LRP4: variants seen among roughly 807,000 people sequenced by gnomAD.
The protein encoded by LRP4 is LDL receptor related protein 4.
Under a neutral mutation model 220.3 loss-of-function variants are expected in LRP4, and 95 were observed. That is an observed-to-expected ratio of 0.43 (90% CI 0.37 to 0.51). The LOEUF (loss-of-function observed/expected upper bound fraction) is 0.51. LRP4 is among the 20% of genes least tolerant of loss of function. The pLI is 0.00. For missense variants in LRP4, 1,925 were observed against 2,567.0 expected (o/e 0.75, Z 5.40); for synonymous variants, 903 against 954.6 (o/e 0.95, Z 1.00).
chr11:46,901,089 C>T (rs1390879640), intron 2 of LRP4, among the ~76,000 whole-genome samples: 1 of 152,314 alleles, frequency 6.6e-6, no homozygotes, highest in South Asian at 2.1e-4. Flanking sequence ...AGCCACCACA[C>T]CCAGCCCCCT....
intron 16 of LRP4, among the ~76,000 whole-genome samples, chr11:46,887,858 C>T (rs1941331906): frequency 6.6e-6 from 1 of 150,740 alleles, no homozygotes. Context: ...ACAAAAAACT[C>T]CACAAAATTC....
At chr11:46,859,475 C>T (rs2134751747) in intron 37 of LRP4, among the ~76,000 whole-genome samples, 160 bp from the exon 38 acceptor site, 1 of 152,238 alleles carries the variant, frequency 6.6e-6, no homozygotes, top group East Asian at 1.9e-4. Flanking sequence ...TGTATGAGGC[C>T]TAGCCTAAAA....
intron 1 of LRP4, among the ~76,000 whole-genome samples, chr11:46,914,943 C>T (rs1477506005): frequency 6.6e-6 from 1 of 152,054 alleles, no homozygotes. Context: ...GAGCAAAGAG[C>T]TATAAAACAC....
intron 1 of LRP4, among the ~76,000 whole-genome samples, chr11:46,910,729 A>G (rs1045494716): frequency 1.5e-5 from 2 of 137,904 alleles, no homozygotes; most frequent in African/African-American, 5.6e-5. Flanking sequence ...ACTGCAGTGC[A>G]CTGGCACAAT....
chr11:46,904,967 C>A (rs1941735198), intron 1 of LRP4, among the ~76,000 whole-genome samples: 1 of 92,940 alleles, frequency 1.1e-5, no homozygotes, highest in African/African-American at 4.7e-5. Flanking sequence ...CAGGATGAGA[C>A]CTTGTCTCAA....
chr11:46,891,367 G>A (rs1941418889), intron 13 of LRP4, among the ~76,000 whole-genome samples: 1 of 151,538 alleles, frequency 6.6e-6, no homozygotes, highest in Non-Finnish European at 1.5e-5. Context: ...ACCTGCCTCG[G>A]CCTCCCAAAG....
At chr11:46,901,599 C>T (rs1032195754) in intron 2 of LRP4, among the ~76,000 whole-genome samples, 1 of 152,180 alleles carries the variant, frequency 6.6e-6, no homozygotes, top group Non-Finnish European at 1.5e-5. Flanking sequence ...ATAGATGCTA[C>T]AGGTAGGTCA....
intron 20 of LRP4, among the ~76,000 whole-genome samples, chr11:46,880,002 G>C (rs1431960601): frequency 6.6e-6 from 1 of 152,140 alleles, no homozygotes; most frequent in African/African-American, 2.4e-5. Flanking sequence ...CTACTTGGGA[G>C]GCTGAGGCAG....
chr11:46,884,014 T>C (rs1224126614), intron 18 of LRP4, 38 bp from the exon 19 acceptor site: 1 of 1,523,236 alleles, frequency 6.6e-7, no homozygotes, highest in African/African-American at 1.4e-5. Flanking sequence ...TCTAGTCTTG[T>C]TCATTCACCC....
At chr11:46,903,486 C>G (rs1265051549) in intron 1 of LRP4, among the ~76,000 whole-genome samples, 1 of 151,776 alleles carries the variant, frequency 6.6e-6, no homozygotes, top group African/African-American at 2.4e-5. Flanking sequence ...AGAGCAAGAC[C>G]TTGTCTCAAA....
At chr11:46,876,429 C>T (rs780578232) in intron 25 of LRP4, 37 bp downstream of exon 25, 4 of 1,612,270 alleles carry the variant, frequency 2.5e-6, no homozygotes, top group South Asian at 1.1e-5. Flanking sequence ...CTGAGCTGGC[C>T]CCCCACACTA....
intron 24 of LRP4, 29 bp from the exon 25 acceptor site, chr11:46,876,666 T>A: frequency 6.2e-7 from 1 of 1,614,126 alleles, no homozygotes; most frequent in South Asian, 1.1e-5. Context: ...GCACACTGGC[T>A]CCTATTTTAA....
rs138589242 is a variant in LRP4, at chr11:46,895,281, T to C, written c.1194A>G (p.Glu398=). ...EDGHTCQDVN[E]CAEEGYCSQG... ...GGCTGCAATACCCCTCCTCGGCACATTCATTCACATCTGGGAACACCAGGC... is the reference window on the plus strand; with the variant it reads ...GGCTGCAATACCCCTCCTCGGCACACTCATTCACATCTGGGAACACCAGGC... The change falls in exon 11 of 38, where the codon GAA becomes GAG. Residue 398 remains glutamate, a synonymous_variant. Coordinates refer to ENST00000378623, the MANE Select transcript of LRP4 (RefSeq NM_002334.4). 1.1e-4 allele frequency: 184 copies of C among 1,613,292 alleles called. No individual in the cohort carries two copies. The African/African-American group carries it at 2.0e-3, about 18-fold the overall frequency.
At position 46,918,340 on chromosome 11, in the gene LRP4, G is replaced by A. The variant is rs1448310579; in HGVS notation, c.40C>T (p.Leu14Phe). ...QWGALLLGAL[L>F]CAHGLASSPE... ...GGGCGCCGCTTACCGTGTGCGCAGA[G>A]CAGGGCGCCAAGCAGCAGCGCGCCC... The change falls in exon 1 of 38, where the codon CTC (leucine) becomes TTC (phenylalanine). Residue 14 changes from leucine to phenylalanine, a missense_variant. Physicochemically the swap from Leu to Phe is conservative, Grantham distance 22. This residue lies in a region of LRP4 where 412 missense variants were observed against 505.4 expected (regional missense o/e 0.82). Coordinates refer to ENST00000378623, the MANE Select transcript of LRP4 (RefSeq NM_002334.4). This position sits in a 1 kb window ranked among gnomAD's most constrained non-coding sequence, Gnocchi z 6.0. 6.7e-7 allele frequency: 1 copy of A among 1,495,370 alleles called. No individual in the cohort carries two copies. Among genetic ancestry groups the A allele is most frequent in the Non-Finnish European group, 8.9e-7 (1 of 1,128,256 alleles). 92.6% of individuals were successfully genotyped at this position (1,495,370 alleles called of 1,614,324 possible).
intron 1 of LRP4, among the ~76,000 whole-genome samples, chr11:46,905,622 G>A (rs1007739469): frequency 6.6e-6 from 1 of 152,086 alleles, no homozygotes; most frequent in Non-Finnish European, 1.5e-5. Flanking sequence ...AGGCCCAGGT[G>A]GGCGGATCAC....
Position 46,858,517 on chromosome 11 carries a change from CT to C in LRP4, c.*465del. ...CTTCCTTCTTCTCTCAGCCTCTATC[CT>C]TCATCCCTGTCTTTACCCACACCCC... On this transcript the variant is annotated 3_prime_UTR_variant, in exon 38 of 38. Coordinates refer to ENST00000378623, the MANE Select transcript of LRP4 (RefSeq NM_002334.4). 1 of 242,160 alleles carries C rather than the reference CT, an allele frequency of 4.1e-6. No homozygotes were observed. Among genetic ancestry groups the C allele is most frequent in the Non-Finnish European group, 8.3e-6 (1 of 120,712 alleles). 15.0% of individuals were successfully genotyped at this position (242,160 alleles called of 1,614,324 possible).
chr11:46,897,689 G>A (rs1377850714), intron 7 of LRP4, among the ~76,000 whole-genome samples: 6 of 151,396 alleles, frequency 4.0e-5, no homozygotes, highest in Non-Finnish European at 8.9e-5. Flanking sequence ...CAGGGTTGGG[G>A]GTAAGGTCAC....
chr11:46,889,623 T>G, intron 15 of LRP4, 90 bp from the exon 16 acceptor site: 1 of 1,548,516 alleles, frequency 6.5e-7, no homozygotes, highest in East Asian at 2.2e-5. Flanking sequence ...AGGGTGATAG[T>G]TCCCTGAAGG....
intron 25 of LRP4, 87 bp downstream of exon 25, chr11:46,876,379 T>C: frequency 6.6e-7 from 1 of 1,518,308 alleles, no homozygotes; most frequent in Non-Finnish European, 9.1e-7. Flanking sequence ...TGATGCAAGC[T>C]TCCTCTCCAC....
Sources: gnomAD v4.1 joint callset for allele counts (sites outside exome capture counted in the v4.1 genomes callset) on GRCh38, gnomAD v4.1.1 for gene constraint, gnomAD v4.1.1 regional missense constraint, Gnocchi (gnomAD v3.1) non-coding constraint, MANE v1.5 for transcripts, NCBI Gene and HGNC (gene_info 2026-07-23, HGNC 2026-07-21) for gene names.